ERO1B: variants seen among roughly 807,000 people sequenced by gnomAD.
ERO1B encodes ERO1-like protein beta.
ERO1B carries 49 observed loss-of-function variants against 75.3 expected under a neutral mutation model. That is an observed-to-expected ratio of 0.65 (90% CI 0.52 to 0.83). The LOEUF (loss-of-function observed/expected upper bound fraction) is 0.83. Among genes scored for constraint, ERO1B ranks in the 40% least tolerant of loss-of-function variants. The pLI, the probability that ERO1B is intolerant of heterozygous loss-of-function variation, is 0.00. For synonymous variants in ERO1B, 191 were observed against 192.9 expected, an observed-to-expected ratio of 0.99 and a Z score of 0.08; for missense variants, 512 against 560.1, an observed-to-expected ratio of 0.91 and a Z score of 0.87.
At position 236,281,842 on chromosome 1, in the gene ERO1B, G is replaced by T. The variant is rs1421119400; in HGVS notation, c.-59C>A. 9 of 1,284,244 alleles carry T rather than the reference G, an allele frequency of 7.0e-6. No homozygotes were observed. The highest frequency in any genetic ancestry group is 9.1e-6 in the Non-Finnish European group (9 of 989,636). The allele number at this position is 1,284,244 out of a possible 1,614,324, so 79.6% of individuals were successfully genotyped here. A position where few individuals can be genotyped will look rare whatever the true frequency, so the allele number is the denominator to read the frequency against. On this transcript the variant is annotated 5_prime_UTR_variant, in exon 1 of 16. Transcript: ENST00000354619. Reference sequence around the variant, plus strand: ...CCCTCGGGGCCGGGGAACGACGGGCGGCCCAGGCGACGACCCAAGGGGACG... The same window carrying T: ...CCCTCGGGGCCGGGGAACGACGGGCTGCCCAGGCGACGACCCAAGGGGACG...
At chr1:236,280,040 A>T (rs530130785) in intron 1 of ERO1B, among the ~76,000 whole-genome samples, 7 of 152,210 alleles carry the variant, frequency 4.6e-5, no homozygotes, top group Non-Finnish European at 8.8e-5. Context: ...CTGTAATCCC[A>T]GCACCTGGGA....
chr1:236,276,915 T>C lies in ERO1B; in HGVS notation c.102+4767A>G, dbSNP rs145783288. Among the ~76,000 whole-genome samples the C allele has an allele frequency of 4.9e-4, 74 of 152,266 alleles. No homozygotes were observed. The East Asian group carries it at 8.3e-3, about 17-fold the overall frequency. On this transcript the variant is annotated intron_variant, in intron 1 of 15. Transcript: ENST00000354619. ...GGCCTGGTGGGAGGTGTTTGAATCATGGGGGCGGACTTCCCCCTTGCTGTT... is the reference window on the plus strand; with the variant it reads ...GGCCTGGTGGGAGGTGTTTGAATCACGGGGGCGGACTTCCCCCTTGCTGTT...
intron 5 of ERO1B, among the ~76,000 whole-genome samples, chr1:236,244,591 C>T (rs1266086304): frequency 6.6e-6 from 1 of 152,140 alleles, no homozygotes; most frequent in Non-Finnish European, 1.5e-5. Context: ...AATAGTGATA[C>T]AAATTCCTAT....
intron 8 of ERO1B, 107 bp downstream of exon 8, chr1:236,235,682 C>A: frequency 1.0e-6 from 1 of 982,108 alleles, no homozygotes. Context: ...GTTCATCATT[C>A]AAATTAAACA....
At position 236,269,964 on chromosome 1, in the gene ERO1B, C is replaced by T. The variant is rs1449821388; in HGVS notation, c.133G>A (p.Asp45Asn). 2 of 1,602,984 alleles carry T rather than the reference C, an allele frequency of 1.2e-6. No individual in the cohort carries two copies. Among genetic ancestry groups the T allele is most frequent in the Admixed American group, 1.7e-5 (1 of 59,812 alleles). Residue 45 changes from aspartate to asparagine, a missense_variant, in exon 2 of 16, where the codon GAT (aspartate) becomes AAT (asparagine). Coordinates refer to ENST00000354619, the MANE Select transcript of ERO1B (RefSeq NM_019891.4). ...TTGAAGTTATCGATGCTGTCAATATCACACAAGCAATCATCCAGAACTCCA... is the reference window on the plus strand; with the variant it reads ...TTGAAGTTATCGATGCTGTCAATATTACACAAGCAATCATCCAGAACTCCA... ...VTGVLDDCLC[D>N]IDSIDNFNTY...
chr1:236,254,979 G>A (rs1665127323), intron 2 of ERO1B, among the ~76,000 whole-genome samples: 1 of 151,492 alleles, frequency 6.6e-6, no homozygotes, highest in South Asian at 2.1e-4. Flanking sequence ...CTGGAGTGCA[G>A]TGGCACGAAC....
In ERO1B at chr1:236,256,410, C is replaced by T. The variant is rs373066780; in HGVS notation, c.223-2905G>A. On this transcript the variant is annotated intron_variant, in intron 2 of 15. Coordinates refer to ENST00000354619, the MANE Select transcript of ERO1B (RefSeq NM_019891.4). ...ACTCTGCACCTCCTTCCCTGGCTTG[C>T]TCCAGACACAATCCCAACTCTGAAA... Among the ~76,000 whole-genome samples, 22 of 152,276 alleles carry T rather than the reference C, an allele frequency of 1.4e-4. 1 individual carries two copies. The South Asian group carries it at 4.6e-3, about 32-fold the overall frequency.
intron 4 of ERO1B, among the ~76,000 whole-genome samples, chr1:236,250,274 A>G (rs1006515636): frequency 3.3e-5 from 5 of 152,060 alleles, no homozygotes; most frequent in African/African-American, 1.2e-4. Flanking sequence ...GTTCAAGACC[A>G]GCCTGGTCAA....
At chr1:236,232,287 C>T (rs888585854) in intron 9 of ERO1B, among the ~76,000 whole-genome samples, 3 of 152,222 alleles carry the variant, frequency 2.0e-5, no homozygotes, top group African/African-American at 7.2e-5. Context: ...TTTTAAACAT[C>T]TTCCTACCCT....
chr1:236,219,031 G>A (rs1017291082), intron 15 of ERO1B, among the ~76,000 whole-genome samples: 5 of 152,112 alleles, frequency 3.3e-5, no homozygotes, highest in Non-Finnish European at 7.4e-5. Flanking sequence ...TTCAGTAAAT[G>A]ATTACTGACT....
rs1553371236 is a variant in ERO1B, at chr1:236,239,809, G to GTGTATATATATATGTGTATATATA, written c.506-3435_506-3412dup. On this transcript the variant is annotated intron_variant, in intron 6 of 15. Transcript: ENST00000354619. ...TTCAAGTATATATATATATATATGT[G>GTGTATATATATATGTGTATATATA]TGTATATATATATGTGTATATATAT... 1.5e-3 allele frequency among the ~76,000 whole-genome samples: 70 copies of GTGTATATATATATGTGTATATATA among 47,238 alleles called. 1 individual carries two copies. Among genetic ancestry groups the GTGTATATATATATGTGTATATATA allele is most frequent in the African/African-American group, 2.8e-3 (62 of 22,152 alleles). 31.0% of individuals were successfully genotyped at this position (47,238 alleles called of 152,430 possible). A position where few individuals can be genotyped will look rare whatever the true frequency, so the allele number is the denominator to read the frequency against.
chr1:236,268,151 AGAGAG>A (rs1468203417), intron 2 of ERO1B, among the ~76,000 whole-genome samples: 1 of 152,230 alleles, frequency 6.6e-6, no homozygotes, highest in Non-Finnish European at 1.5e-5. Context: ...GGTGCTGATA[AGAGAG>A]ATGTGTTCCC....
intron 4 of ERO1B, among the ~76,000 whole-genome samples, chr1:236,250,823 A>AT (rs1175150559): frequency 2.0e-5 from 3 of 151,784 alleles, no homozygotes; most frequent in Admixed American, 6.6e-5. Context: ...CAGGGCAACC[A>AT]TTTTTTTAAA....
At chr1:236,278,867 T>C (rs1665763763) in intron 1 of ERO1B, among the ~76,000 whole-genome samples, 1 of 152,244 alleles carries the variant, frequency 6.6e-6, no homozygotes, top group South Asian at 2.1e-4. Flanking sequence ...ATTTAAAATA[T>C]GTATCTCCTT....
At chr1:236,279,589 G>A (rs1006114303) in intron 1 of ERO1B, among the ~76,000 whole-genome samples, 3 of 150,536 alleles carry the variant, frequency 2.0e-5, no homozygotes, top group Non-Finnish European at 3.0e-5. Context: ...AGCACTTTGG[G>A]AGGCCGAGGC....
At chr1:236,231,294 A>G (rs1012903980) in intron 9 of ERO1B, among the ~76,000 whole-genome samples, 2 of 152,176 alleles carry the variant, frequency 1.3e-5, no homozygotes, top group Non-Finnish European at 2.9e-5. Context: ...GATGCTGGTC[A>G]AGGGATACAA....
In ERO1B at chr1:236,235,774, A is replaced by G; in HGVS notation, c.673+15T>C. 6.2e-7 allele frequency: 1 copy of G among 1,602,538 alleles called. No individual in the cohort carries two copies. The highest frequency in any genetic ancestry group is 8.5e-7 in the Non-Finnish European group (1 of 1,175,352). ...AACAATGAAAAGCATGAAAATGTAC[A>G]TATGAAAAACCTACCTCGGCTAGGC... On this transcript the variant is annotated intron_variant, in intron 8 of 15. Coordinates refer to ENST00000354619, the MANE Select transcript of ERO1B (RefSeq NM_019891.4).
intron 1 of ERO1B, among the ~76,000 whole-genome samples, chr1:236,281,060 C>A (rs1053234151): frequency 3.9e-5 from 6 of 152,234 alleles, no homozygotes; most frequent in African/African-American, 7.2e-5. Context: ...CAGACCCCCC[C>A]AGTCTCGTAT....
chr1:236,241,536 C>G (rs1002259322), intron 6 of ERO1B, among the ~76,000 whole-genome samples: 4 of 143,628 alleles, frequency 2.8e-5, no homozygotes, highest in African/African-American at 7.6e-5. Context: ...GAGTGAGACT[C>G]CATCTCAAAA....
Sources: gnomAD v4.1 joint callset for allele counts (sites outside exome capture counted in the v4.1 genomes callset) on GRCh38, gnomAD v4.1.1 for gene constraint, MANE v1.5 for transcripts, NCBI Gene and HGNC (gene_info 2026-07-23, HGNC 2026-07-21) for gene names.